The following LRRC75A variants were observed in gnomAD, a reference collection of about 807,000 sequenced individuals.
LRRC75A encodes the protein leucine-rich repeat-containing protein 75A.
Under a neutral mutation model 26.0 loss-of-function variants are expected in LRRC75A, and 12 were observed. The ratio of observed to expected loss-of-function variants is 0.46; its 90% CI spans 0.30 to 0.75. LRRC75A has a LOEUF of 0.75. LRRC75A is among the 30% of genes least tolerant of loss of function. The probability of loss-of-function intolerance (pLI) is 0.08; values close to 1 mark genes in which losing one functional copy is unlikely to be tolerated. For synonymous variants in LRRC75A, 223 were observed against 219.3 expected, an observed-to-expected ratio of 1.02 and a Z score of -0.15; for missense variants, 410 against 486.6, an observed-to-expected ratio of 0.84 and a Z score of 1.48.
rs118111850 is a variant in LRRC75A, at chr17:16,459,506, A to C, written c.375+2752T>G. On this transcript the variant is annotated intron_variant, in intron 2 of 3. Transcript: ENST00000470794. ...AGGAGGGAGGCCCACGTGCTAGAGC[A>C]GAGCTCGCAGGGTGGCAAGTGGGAG... Among the ~76,000 whole-genome samples the C allele has an allele frequency of 3.3e-3, 502 of 152,342 alleles. 1 individual carries two copies. The highest frequency in any genetic ancestry group is 0.014 in the South Asian group (67 of 4,826).
intron 2 of LRRC75A, among the ~76,000 whole-genome samples, chr17:16,454,392 A>G (rs34779276): frequency 0.24 from 32,647 of 136,720 alleles, 3,851 homozygotes; most frequent in Middle Eastern, 0.42. Flanking sequence ...ACTCTGTCAA[A>G]AAACAAACAA....
At chr17:16,454,886 G>A (rs7216454) in intron 2 of LRRC75A, among the ~76,000 whole-genome samples, 59,065 of 150,856 alleles carry the variant, frequency 0.39, 11,898 homozygotes, top group African/African-American at 0.44. Context: ...AGCCTCCCAG[G>A]TAGCTGGGGC....
At chr17:16,489,185 C>T (rs114962295) in intron 1 of LRRC75A, among the ~76,000 whole-genome samples, 2,396 of 152,292 alleles carry the variant, frequency 0.016, 65 homozygotes, top group African/African-American at 0.054. Context: ...TCCCGAGTCC[C>T]CACCAGCCAT....
At chr17:16,459,437 C>T (rs1483163386) in intron 2 of LRRC75A, among the ~76,000 whole-genome samples, 1 of 152,122 alleles carries the variant, frequency 6.6e-6, no homozygotes, top group African/African-American at 2.4e-5. Flanking sequence ...AAGGGAGCAG[C>T]GACGTCCCTA....
chr17:16,445,290 C>T (rs1173027100), intron 3 of LRRC75A, among the ~76,000 whole-genome samples: 15 of 150,200 alleles, frequency 1.0e-4, no homozygotes, highest in African/African-American at 2.2e-4. Context: ...CTCAGCCTCC[C>T]GAGTAGCTGG....
chr17:16,475,284 C>T (rs1260419212), intron 1 of LRRC75A, among the ~76,000 whole-genome samples: 1 of 152,160 alleles, frequency 6.6e-6, no homozygotes, highest in Non-Finnish European at 1.5e-5. Flanking sequence ...AGCCAGGGTT[C>T]TCTCGAGACA....
intron 2 of LRRC75A, 72 bp from the exon 3 acceptor site, chr17:16,448,032 T>A (rs963411122): frequency 1.5e-6 from 2 of 1,376,322 alleles, no homozygotes; most frequent in African/African-American, 2.9e-5. Context: ...AGGCTTCCTG[T>A]CTCCCGGGTA....
intron 1 of LRRC75A, among the ~76,000 whole-genome samples, chr17:16,484,807 T>A (rs2093842592): frequency 6.6e-6 from 1 of 151,868 alleles, no homozygotes; most frequent in African/African-American, 2.4e-5. Flanking sequence ...CCCAACACAC[T>A]CACATACGAG....
chr17:16,477,649 G>A (rs893377226), intron 1 of LRRC75A, among the ~76,000 whole-genome samples: 1 of 152,224 alleles, frequency 6.6e-6, no homozygotes, highest in African/African-American at 2.4e-5. Context: ...GGGAGCCACA[G>A]ATGCCCTTCC....
At position 16,479,579 on chromosome 17, in the gene LRRC75A, C is replaced by A. The variant is rs986736511; in HGVS notation, c.246+12166G>T. On this transcript the variant is annotated intron_variant, in intron 1 of 3. Coordinates refer to ENST00000470794, the MANE Select transcript of LRRC75A (RefSeq NM_001113567.3). ...CACTCTATGGGCTAGAAGCCACATT[C>A]CACCTCAGTGAAGGAAACCAAGGGG... Among the ~76,000 whole-genome samples the A allele has an allele frequency of 2.0e-5, 3 of 152,220 alleles. No individual in the cohort carries two copies. The South Asian group carries it at 6.2e-4, about 31-fold the overall frequency.
At chr17:16,465,892 T>G (rs561354258) in intron 1 of LRRC75A, among the ~76,000 whole-genome samples, 4 of 152,216 alleles carry the variant, frequency 2.6e-5, no homozygotes, top group African/African-American at 9.6e-5. Flanking sequence ...GAGGGTCTCC[T>G]AGAAAGGCAG....
In LRRC75A at chr17:16,491,700, G is replaced by GC; in HGVS notation, c.246+44dup. 1 of 1,020,880 alleles carries GC rather than the reference G, an allele frequency of 9.8e-7. No individual in the cohort carries two copies. Among genetic ancestry groups the GC allele is most frequent in the South Asian group, 2.7e-5 (1 of 37,472 alleles). 63.2% of individuals were successfully genotyped at this position (1,020,880 alleles called of 1,614,324 possible). A position where few individuals can be genotyped will look rare whatever the true frequency, so the allele number is the denominator to read the frequency against. The stretch of plus-strand genomic sequence containing the variant: ...TGGGGCGCCCCCCCCGGCCCAGCAC[G>GC]CCCCCTGGCCCGGCGCGCCCCCCGC... On this transcript the variant is annotated intron_variant, in intron 1 of 3. Coordinates refer to ENST00000470794, the MANE Select transcript of LRRC75A (RefSeq NM_001113567.3). The surrounding 1 kb of genome is among the most constrained non-coding windows in gnomAD (Gnocchi z 5.9).
At chr17:16,454,123 G>A (rs1300423314) in intron 2 of LRRC75A, among the ~76,000 whole-genome samples, 1 of 152,230 alleles carries the variant, frequency 6.6e-6, no homozygotes, top group African/African-American at 2.4e-5. Flanking sequence ...GAGTGTGGTG[G>A]CTCACGCCTG....
chr17:16,464,646 T>C (rs2143204563), intron 1 of LRRC75A, among the ~76,000 whole-genome samples: 1 of 152,180 alleles, frequency 6.6e-6, no homozygotes, highest in African/African-American at 2.4e-5. Context: ...CAGACCCAAT[T>C]GAGAATGTGT....
chr17:16,479,153 A>G (rs973652111), intron 1 of LRRC75A, among the ~76,000 whole-genome samples: 3 of 152,218 alleles, frequency 2.0e-5, no homozygotes, highest in African/African-American at 7.2e-5. Context: ...AGGTTGTCTT[A>G]GATTCTGTCT....
At chr17:16,489,312 G>C (rs573513287) in intron 1 of LRRC75A, among the ~76,000 whole-genome samples, 1 of 152,288 alleles carries the variant, frequency 6.6e-6, no homozygotes, top group South Asian at 2.1e-4. Context: ...CCCTGGTTCT[G>C]TGCCTGCTCA....
chr17:16,452,557 C>T (rs4471718), intron 2 of LRRC75A, among the ~76,000 whole-genome samples: 57,555 of 151,552 alleles, frequency 0.38, 11,234 homozygotes, highest in African/African-American at 0.4. Flanking sequence ...CCTGCTTCAG[C>T]CTCCCAAGTA....
chr17:16,448,448 G>C (rs1486063656), intron 2 of LRRC75A, among the ~76,000 whole-genome samples: 2 of 152,220 alleles, frequency 1.3e-5, no homozygotes, highest in Non-Finnish European at 2.9e-5. Flanking sequence ...ATTTTTACCT[G>C]TGTCTCCCTC....
At chr17:16,444,181 C>T (rs1473824659) in intron 3 of LRRC75A, 50 bp from the exon 4 acceptor site, 2 of 1,434,974 alleles carry the variant, frequency 1.4e-6, no homozygotes, top group African/African-American at 1.4e-5. Flanking sequence ...GCAGGCCTTT[C>T]CCCCAGAAGC....
Sources: allele counts gnomAD v4.1 joint callset (sites outside exome capture counted in the v4.1 genomes callset), GRCh38; gene constraint gnomAD v4.1.1; non-coding constraint Gnocchi (gnomAD v3.1); transcripts MANE v1.5; gene names NCBI Gene and HGNC (gene_info 2026-07-23, HGNC 2026-07-21).